The following HTR2C variants were observed in gnomAD, a reference collection of about 807,000 sequenced individuals.
HTR2C encodes the protein 5-hydroxytryptamine (serotonin) receptor 2C, G protein-coupled.
HTR2C carries 5 observed loss-of-function variants against 21.0 expected under a neutral mutation model. The ratio of observed to expected loss-of-function variants is 0.24; its 90% confidence interval spans 0.12 to 0.50. HTR2C has a LOEUF of 0.50. Ranked by LOEUF, HTR2C falls within the 20% of genes least tolerant of loss-of-function variation. The pLI, the probability that HTR2C is intolerant of heterozygous loss-of-function variation, is 0.98. For synonymous variants in HTR2C, 150 were observed against 145.3 expected, an observed-to-expected ratio of 1.03 and a Z score of -0.23; for missense variants, 271 against 371.2, an observed-to-expected ratio of 0.73 and a Z score of 2.22.
chrX:114,675,441 A>G (rs963051675), intron 2 of HTR2C, among the ~76,000 whole-genome samples: 3 of 112,304 alleles, frequency 2.7e-5, no homozygotes, highest in Non-Finnish European at 5.6e-5. Flanking sequence ...TGTCATTTTC[A>G]TCTATGGAAG....
chrX:114,861,563 C>T (rs1226149217), intron 5 of HTR2C, among the ~76,000 whole-genome samples: 2 of 111,278 alleles, frequency 1.8e-5, no homozygotes, highest in South Asian at 3.7e-4. Flanking sequence ...TTTGAAGAAC[C>T]TCCATACTGT....
chrX:114,607,003 T>G (rs1250817672), intron 1 of HTR2C, among the ~76,000 whole-genome samples: 2 of 107,099 alleles, frequency 1.9e-5, no homozygotes, highest in African/African-American at 7.0e-5. Flanking sequence ...GGTCGCAAGG[T>G]GCTCAGTGGG....
At chrX:114,630,478 T>C (rs1929567897) in intron 2 of HTR2C, among the ~76,000 whole-genome samples, 1 of 111,951 alleles carries the variant, frequency 8.9e-6, no homozygotes, top group Non-Finnish European at 1.9e-5. Context: ...TGCAAGTTAT[T>C]TCTTCCAATT....
At chrX:114,718,931 TATA>T (rs1237228865) in intron 2 of HTR2C, among the ~76,000 whole-genome samples, 2 of 100,787 alleles carry the variant, frequency 2.0e-5, no homozygotes, top group African/African-American at 7.3e-5. Context: ...TAATTATATA[TATA>T]ATATAATATA....
intron 4 of HTR2C, among the ~76,000 whole-genome samples, chrX:114,834,207 T>A (rs2070757715): frequency 9.0e-6 from 1 of 110,551 alleles, no homozygotes; most frequent in Non-Finnish European, 1.9e-5. Context: ...TCTGTAGATG[T>A]CTATTAGGTC....
chrX:114,684,160 TATTA>T (rs1173311716), intron 2 of HTR2C, among the ~76,000 whole-genome samples: 24 of 112,192 alleles, frequency 2.1e-4, no homozygotes, highest in African/African-American at 7.1e-4. Context: ...TGTTATTATG[TATTA>T]ATTTAGTATT....
At chrX:114,636,560 T>C (rs1469597241) in intron 2 of HTR2C, among the ~76,000 whole-genome samples, 2 of 112,256 alleles carry the variant, frequency 1.8e-5, no homozygotes, top group East Asian at 5.6e-4. Context: ...CTTCTTAATA[T>C]ATAGTATATG....
At chrX:114,680,967 T>C (rs1271863257) in intron 2 of HTR2C, among the ~76,000 whole-genome samples, 2 of 111,628 alleles carry the variant, frequency 1.8e-5, no homozygotes, top group Non-Finnish European at 3.8e-5. Flanking sequence ...CATTGCCTTC[T>C]AGGGATAAAA....
intron 5 of HTR2C, among the ~76,000 whole-genome samples, chrX:114,855,762 T>A (rs2070955207): frequency 1.1e-5 from 1 of 88,333 alleles, no homozygotes; most frequent in African/African-American, 4.2e-5. Context: ...TTTTTTTTTT[T>A]TTTTTTTTTT....
chrX:114,699,966 A>AT (rs1932409361), intron 2 of HTR2C, among the ~76,000 whole-genome samples: 3 of 36,193 alleles, frequency 8.3e-5, no homozygotes, highest in East Asian at 0.014. Context: ...TTAAGTTATA[A>AT]ATTTTTGGCA....
chrX:114,738,439 G>T (rs1319119222), intron 4 of HTR2C, among the ~76,000 whole-genome samples: 4 of 111,249 alleles, frequency 3.6e-5, no homozygotes, highest in African/African-American at 1.3e-4. Flanking sequence ...AAATAAAAAA[G>T]AATCCAACTC....
intron 2 of HTR2C, among the ~76,000 whole-genome samples, chrX:114,698,889 G>A (rs1174376787): frequency 9.0e-6 from 1 of 111,672 alleles, no homozygotes; most frequent in African/African-American, 3.3e-5. Context: ...TTTCCATCCA[G>A]GTAGGAGCAT....
intron 1 of HTR2C, among the ~76,000 whole-genome samples, chrX:114,591,701 T>C (rs1927640994): frequency 8.9e-6 from 1 of 111,969 alleles, no homozygotes; most frequent in South Asian, 3.7e-4. Context: ...GAAAAGCCTG[T>C]AAGAATTATG....
intron 4 of HTR2C, among the ~76,000 whole-genome samples, chrX:114,787,762 A>G (rs1214533886): frequency 9.1e-6 from 1 of 110,386 alleles, no homozygotes; most frequent in Non-Finnish European, 1.9e-5. Context: ...CCTGGCTAAC[A>G]CGGTGAAACC....
At chrX:114,588,630 CATG>C (rs1402963816) in intron 1 of HTR2C, among the ~76,000 whole-genome samples, 5 of 62,826 alleles carry the variant, frequency 8.0e-5, no homozygotes, top group Non-Finnish European at 6.4e-5. Context: ...TTTCATAAAA[CATG>C]ATGTCTTCTT....
chrX:114,702,676 C>A (rs1180661948), intron 2 of HTR2C, among the ~76,000 whole-genome samples: 8 of 110,429 alleles, frequency 7.2e-5, no homozygotes, highest in African/African-American at 2.0e-4. Flanking sequence ...AACCAGCTAA[C>A]ATCATAATGA....
intron 5 of HTR2C, among the ~76,000 whole-genome samples, chrX:114,893,015 C>T (rs1271179188): frequency 1.8e-5 from 2 of 108,865 alleles, no homozygotes; most frequent in East Asian, 2.9e-4. Flanking sequence ...CGGGTTCCAG[C>T]GATTCTCCTG....
At chrX:114,651,554 T>C (rs1053971973) in intron 2 of HTR2C, 1 of 125,605 alleles carries the variant, frequency 8.0e-6, no homozygotes, top group Admixed American at 9.6e-5. Flanking sequence ...CTCTAGGATG[T>C]GCTCATTGCA....
intron 2 of HTR2C, among the ~76,000 whole-genome samples, chrX:114,616,426 A>G (rs1232049722): frequency 2.7e-5 from 3 of 110,138 alleles, no homozygotes; most frequent in African/African-American, 6.6e-5. Context: ...AGCTGGGATT[A>G]CAGGTGCCCA....
Sources: allele counts gnomAD v4.1 joint callset (sites outside exome capture counted in the v4.1 genomes callset), GRCh38; gene constraint gnomAD v4.1.1; transcripts MANE v1.5; gene names NCBI Gene and HGNC (gene_info 2026-07-23, HGNC 2026-07-21).